The following ADAMTS17 variants were observed in gnomAD, a reference collection of about 807,000 sequenced individuals.
ADAMTS17 encodes the protein ADAM metallopeptidase with thrombospondin type 1 motif 17.
A neutral mutation model predicts 141.5 loss-of-function variants in ADAMTS17; 113 were observed. The observed-to-expected ratio is 0.80, with a 90% CI of 0.69 to 0.93. The LOEUF (loss-of-function observed/expected upper bound fraction) is 0.93. Among genes scored for constraint, ADAMTS17 ranks in the 40% least tolerant of loss-of-function variants. The pLI is 0.00. For missense variants in ADAMTS17, 1,659 were observed against 1,517.9 expected, an observed-to-expected ratio of 1.09 and a Z score of -1.54; for synonymous variants, 768 against 630.6, an observed-to-expected ratio of 1.22 and a Z score of -3.27.
intron 18 of ADAMTS17, among the ~76,000 whole-genome samples, chr15:100,004,686 T>C (rs1345816716): frequency 1.4e-5 from 2 of 148,010 alleles, no homozygotes; most frequent in African/African-American, 2.5e-5. Context: ...AATGGCGCAA[T>C]CTCGGCGCAC....
intron 12 of ADAMTS17, among the ~76,000 whole-genome samples, chr15:100,122,498 C>A (rs1053365022): frequency 6.6e-6 from 1 of 152,316 alleles, no homozygotes; most frequent in Non-Finnish European, 1.5e-5. Flanking sequence ...TGCGGGCCTC[C>A]TGCATGTGCA....
chr15:100,023,536 A>G (rs1339322773), intron 18 of ADAMTS17, among the ~76,000 whole-genome samples: 2 of 152,040 alleles, frequency 1.3e-5, no homozygotes, highest in East Asian at 1.9e-4. Flanking sequence ...ATTGTAGAGA[A>G]TATCCCACTC....
intron 4 of ADAMTS17, among the ~76,000 whole-genome samples, chr15:100,265,002 TAAAA>T: frequency 6.6e-6 from 1 of 152,228 alleles, no homozygotes; most frequent in African/African-American, 2.4e-5. Context: ...GTTAACGAAT[TAAAA>T]AAATAAAGCT....
At chr15:99,994,382 C>A (rs2060753992) in intron 19 of ADAMTS17, among the ~76,000 whole-genome samples, 1 of 151,188 alleles carries the variant, frequency 6.6e-6, no homozygotes, top group African/African-American at 2.4e-5. Context: ...CTTTGGGAGG[C>A]TGAGGTGGGA....
intron 15 of ADAMTS17, among the ~76,000 whole-genome samples, chr15:100,082,530 C>A: frequency 6.6e-6 from 1 of 152,020 alleles, no homozygotes; most frequent in South Asian, 2.1e-4. Flanking sequence ...GGACTTCAGG[C>A]ACACACCACC....
In ADAMTS17 at chr15:100,007,318, G is replaced by A. The variant is rs150104251; in HGVS notation, c.2592-9729C>T. ...CACCTTAAGGCTGGGGTGGGAGAGAGGTGGCCTTTGGTACACTCAGGAATC... is the reference window on the plus strand; with the variant it reads ...CACCTTAAGGCTGGGGTGGGAGAGAAGTGGCCTTTGGTACACTCAGGAATC... On this transcript the variant is annotated intron_variant, in intron 18 of 21. Coordinates refer to ENST00000268070, the MANE Select transcript of ADAMTS17 (RefSeq NM_139057.4). Among the ~76,000 whole-genome samples, 7 of 152,282 alleles carry A rather than the reference G, an allele frequency of 4.6e-5. No individual in the cohort carries two copies. The East Asian group carries it at 5.8e-4, about 13-fold the overall frequency.
intron 7 of ADAMTS17, among the ~76,000 whole-genome samples, chr15:100,245,609 AG>A (rs1303893198): frequency 6.6e-6 from 1 of 152,244 alleles, no homozygotes; most frequent in African/African-American, 2.4e-5. Flanking sequence ...CAACCCTGGC[AG>A]GAAGAACAAG....
At chr15:100,110,299 C>A (rs1463293285) in intron 13 of ADAMTS17, among the ~76,000 whole-genome samples, 1 of 142,054 alleles carries the variant, frequency 7.0e-6, no homozygotes, top group Non-Finnish European at 1.5e-5. Flanking sequence ...GAGTCTCACT[C>A]TGTTGCCCAG....
chr15:100,324,011 C>T (rs577932289), intron 3 of ADAMTS17, among the ~76,000 whole-genome samples: 12 of 140,546 alleles, frequency 8.5e-5, no homozygotes, highest in South Asian at 4.6e-4. Context: ...CATCCGTAAA[C>T]GTTCCTTTCT....
chr15:100,087,974 T>G (rs1338594872), intron 15 of ADAMTS17, among the ~76,000 whole-genome samples: 2 of 152,064 alleles, frequency 1.3e-5, no homozygotes, highest in Non-Finnish European at 2.9e-5. Context: ...ACACAATGTT[T>G]GAAGTTCTGG....
At chr15:100,336,757 C>A (rs1330106888) in intron 2 of ADAMTS17, among the ~76,000 whole-genome samples, 2 of 152,112 alleles carry the variant, frequency 1.3e-5, no homozygotes, top group African/African-American at 4.8e-5. Flanking sequence ...ATCAATCAAT[C>A]GAAAGGGTTT....
chr15:100,074,853 G>A lies in ADAMTS17; in HGVS notation c.2138-20799C>T, dbSNP rs79130666. 2.4e-3 allele frequency among the ~76,000 whole-genome samples: 372 copies of A among 152,072 alleles called. 2 individuals are homozygous for A. The highest frequency in any genetic ancestry group is 8.3e-3 in the African/African-American group (345 of 41,508). ...AGGTTTTAAACTTATTTACAGAACC[G>A]AGCAATGTAATCTCTTATGACTTAT... On this transcript the variant is annotated intron_variant, in intron 15 of 21. Transcript: ENST00000268070.
At position 100,307,024 on chromosome 15, in the gene ADAMTS17, C is replaced by T. The variant is rs543730044; in HGVS notation, c.616+23865G>A. On this transcript the variant is annotated intron_variant, in intron 3 of 21. Transcript: ENST00000268070. ...CACTTCATGAATGCCTGTGAGCAAA[C>T]GCCATCCCAAAAGTCTGGGTTCAGG... 3.3e-5 allele frequency among the ~76,000 whole-genome samples: 5 copies of T among 152,270 alleles called. No homozygotes were observed. The East Asian group carries it at 7.7e-4, about 23-fold the overall frequency.
intron 10 of ADAMTS17, among the ~76,000 whole-genome samples, chr15:100,136,601 C>A (rs1596529260): frequency 6.6e-6 from 1 of 152,294 alleles, no homozygotes; most frequent in African/African-American, 2.4e-5. Flanking sequence ...CAGGAGGGGG[C>A]TTTCTCTATT....
intron 15 of ADAMTS17, among the ~76,000 whole-genome samples, chr15:100,072,210 G>A (rs1177545085): frequency 6.7e-6 from 1 of 148,216 alleles, no homozygotes; most frequent in African/African-American, 2.5e-5. Flanking sequence ...GGATGTGAAG[G>A]ACCTCTTCAA....
intron 20 of ADAMTS17, among the ~76,000 whole-genome samples, chr15:99,989,600 A>G (rs2060653559): frequency 6.6e-6 from 1 of 152,232 alleles, no homozygotes; most frequent in Non-Finnish European, 1.5e-5. Flanking sequence ...AACATCTGCC[A>G]GTGTGTTACT....
In ADAMTS17 at chr15:100,341,944, G is replaced by A. The variant is rs903459045; in HGVS notation, c.-45C>T. The A allele has an allele frequency of 3.2e-6, 5 of 1,545,964 alleles. No homozygotes were observed. In the Middle Eastern group the frequency reaches 5.0e-4, roughly 156 times the overall value. On this transcript the variant is annotated 5_prime_UTR_variant, in exon 1 of 22. Coordinates refer to ENST00000268070, the MANE Select transcript of ADAMTS17 (RefSeq NM_139057.4). ...CCCCCCGGACCGTGGCGGCGAAGCA[G>A]GAGCGCGCTAGGCGGCGGCGCCAGC...
chr15:100,157,157 G>A (rs1277315143), intron 8 of ADAMTS17, among the ~76,000 whole-genome samples: 1 of 152,104 alleles, frequency 6.6e-6, no homozygotes, highest in Non-Finnish European at 1.5e-5. Flanking sequence ...ACAGGACAGA[G>A]GAAACCACCC....
chr15:99,974,107 C>T lies in ADAMTS17; in HGVS notation c.*295G>A, dbSNP rs1567625329. 2 of 486,230 alleles carry T rather than the reference C, an allele frequency of 4.1e-6. No individual in the cohort carries two copies. Among genetic ancestry groups the T allele is most frequent in the South Asian group, 4.1e-5 (2 of 48,210 alleles). 30.1% of individuals were successfully genotyped at this position (486,230 alleles called of 1,614,324 possible). ...GACAAGAACACTAAATGATGTCTCT[C>T]TCTTGACGGTTGTCTGCCAGAGGTG... On this transcript the variant is annotated 3_prime_UTR_variant, in exon 22 of 22. Coordinates refer to ENST00000268070, the MANE Select transcript of ADAMTS17 (RefSeq NM_139057.4).
Sources: allele counts gnomAD v4.1 joint callset (sites outside exome capture counted in the v4.1 genomes callset), GRCh38; gene constraint gnomAD v4.1.1; transcripts MANE v1.5; gene names NCBI Gene and HGNC (gene_info 2026-07-23, HGNC 2026-07-21).